ULK4: variants seen among roughly 807,000 people sequenced by gnomAD.
The protein encoded by ULK4 is inactive serine/threonine-protein kinase ULK4.
Under a neutral mutation model 160.6 loss-of-function variants are expected in ULK4, and 133 were observed. The ratio of observed to expected loss-of-function variants is 0.83; its 90% confidence interval spans 0.72 to 0.96. The LOEUF is 0.96. Ranked by LOEUF, ULK4 falls within the 40% of genes least tolerant of loss-of-function variation. The probability of loss-of-function intolerance (pLI) is 0.00; values close to 1 mark genes in which losing one functional copy is unlikely to be tolerated. For missense variants in ULK4, 1,580 were observed against 1,499.5 expected, an observed-to-expected ratio of 1.05 and a Z score of -0.89; for synonymous variants, 534 against 539.8, an observed-to-expected ratio of 0.99 and a Z score of 0.15.
intron 22 of ULK4, among the ~76,000 whole-genome samples, chr3:41,721,299 GAGTAT>G (rs2037451316): frequency 3.9e-5 from 3 of 77,320 alleles, no homozygotes; most frequent in Non-Finnish European, 6.7e-5. Flanking sequence ...TTTGAACCAT[GAGTAT>G]GTGTTACCTA....
rs530395196 is a variant in ULK4 at position 41,949,170 on chromosome 3, G to A, written c.138+5452C>T. On this transcript the variant is annotated intron_variant, in intron 2 of 36. Coordinates refer to ENST00000301831, the MANE Select transcript of ULK4 (RefSeq NM_017886.4). ...AAAAATACAAAAAAATTAGCCAGGC[G>A]TGGTGGCAGGCACCTGAAATCGCAG... is the stretch of plus-strand genomic sequence containing the variant. Among the ~76,000 whole-genome samples, 672 of 152,004 alleles carry A rather than the reference G, an allele frequency of 4.4e-3. 3 individuals are homozygous for A. Among genetic ancestry groups the A allele is most frequent in the Non-Finnish European group, 7.7e-3 (522 of 67,980 alleles).
At chr3:41,416,982 C>T (rs1163287813) in intron 34 of ULK4, among the ~76,000 whole-genome samples, 1 of 152,114 alleles carries the variant, frequency 6.6e-6, no homozygotes, top group Non-Finnish European at 1.5e-5. Context: ...GTGATAGGAA[C>T]ATTACCAAAA....
chr3:41,386,893 C>G (rs979980201), intron 35 of ULK4, among the ~76,000 whole-genome samples: 1 of 152,114 alleles, frequency 6.6e-6, no homozygotes, highest in Non-Finnish European at 1.5e-5. Flanking sequence ...TGGTAAAGAT[C>G]TGTATATTTC....
At chr3:41,941,755 C>CAAAAAAAAAAAAAAAAAAAAA (rs565727539) in intron 2 of ULK4, among the ~76,000 whole-genome samples, 5 of 30,752 alleles carry the variant, frequency 1.6e-4, no homozygotes, top group African/African-American at 2.4e-4. Flanking sequence ...GACTCTGTCT[C>CAAAAAAAAAAAAAAAAAAAAA]AAAAAAAAAA....
chr3:41,332,540 G>A (rs999472041), intron 35 of ULK4, among the ~76,000 whole-genome samples: 2 of 152,168 alleles, frequency 1.3e-5, no homozygotes, highest in Non-Finnish European at 2.9e-5. Context: ...AGATGGCGTG[G>A]CAGGCAATAT....
At chr3:41,455,371 G>T (rs2083521934) in intron 34 of ULK4, 126 bp downstream of exon 34, 2 of 827,518 alleles carry the variant, frequency 2.4e-6, no homozygotes, top group Admixed American at 5.7e-5. Flanking sequence ...ATAATCTTCT[G>T]AAAGTTCTTT....
rs767209232 is a variant in ULK4, at chr3:41,249,508, G to A, written c.3745C>T (p.Arg1249Trp). The A allele has an allele frequency of 6.8e-6, 11 of 1,613,896 alleles. No homozygotes were observed. Among genetic ancestry groups the A allele is most frequent in the East Asian group, 4.5e-5 (2 of 44,862 alleles). Residue 1249 changes from arginine (R) to tryptophan (W), a missense_variant, in exon 36 of 37, where the codon CGG becomes TGG. Physicochemically the swap from Arg to Trp is moderately radical, Grantham distance 101 (BLOSUM62 -3). Transcript: ENST00000301831. ...NAGSLLRALE[R>W]LAPGSGSFAD... ...ACTTACCCACTCCCAGGGGCCAGCC[G>A]CTCCAGAGCCCGCAGGAGGCTGCCT...
intron 27 of ULK4, among the ~76,000 whole-genome samples, chr3:41,685,840 ATG>A (rs2036084923): frequency 6.6e-6 from 1 of 152,060 alleles, no homozygotes; most frequent in African/African-American, 2.4e-5. Flanking sequence ...GAAGCCTTGT[ATG>A]GGAAAACTCT....
intron 16 of ULK4, among the ~76,000 whole-genome samples, chr3:41,889,796 C>T (rs1697852394): frequency 6.6e-6 from 1 of 152,186 alleles, no homozygotes. Context: ...TATGTTCACA[C>T]AAAACCTTGT....
rs139921912 is a variant in ULK4, at chr3:41,631,848, A to C, written c.3072-16131T>G. ...CCCTGGTTGCTATGATGTGGTTGCA[A>C]GTCCTGTTTCGTCCAGGGCTTTACA... On this transcript the variant is annotated intron_variant, in intron 30 of 36. Transcript: ENST00000301831. Among the ~76,000 whole-genome samples, 34 of 152,174 alleles carry C rather than the reference A, an allele frequency of 2.2e-4. No individual in the cohort carries two copies. The East Asian group carries it at 6.2e-3, about 28-fold the overall frequency.
intron 27 of ULK4, among the ~76,000 whole-genome samples, chr3:41,683,459 T>C (rs1046722196): frequency 1.1e-4 from 17 of 151,776 alleles, no homozygotes; most frequent in African/African-American, 4.1e-4. Context: ...CAGCTGGACG[T>C]GACCCCTCCG....
intron 30 of ULK4, among the ~76,000 whole-genome samples, chr3:41,643,984 C>A (rs1011401225): frequency 1.3e-5 from 2 of 152,028 alleles, no homozygotes; most frequent in Non-Finnish European, 2.9e-5. Flanking sequence ...CATGATTTGG[C>A]TCTCTGTTTG....
intron 35 of ULK4, among the ~76,000 whole-genome samples, chr3:41,311,806 G>A (rs973350946): frequency 6.6e-5 from 10 of 151,226 alleles, no homozygotes; most frequent in Non-Finnish European, 1.0e-4. Context: ...CTGACCTTGT[G>A]ATCCGCCACC....
chr3:41,591,084 A>T (rs1234514519), intron 31 of ULK4, among the ~76,000 whole-genome samples: 2 of 152,170 alleles, frequency 1.3e-5, no homozygotes, highest in African/African-American at 4.8e-5. Flanking sequence ...AAAGAGAGGA[A>T]AATCTTAAAA....
In ULK4 at chr3:41,883,843, T is replaced by TTC. The variant is rs773114242; in HGVS notation, c.1656+29_1656+30dup. 2.7e-5 allele frequency: 41 copies of TTC among 1,533,122 alleles called. No individual in the cohort carries two copies. The African/African-American group carries it at 5.4e-4, about 20-fold the overall frequency. The allele number at this position is 1,533,122 out of a possible 1,614,324, so 95.0% of individuals were successfully genotyped here. ...GAATCAAGAACAGTATTTCTTGACA[T>TTC]TCATCACATTTAAGTAATAAAAGAC... is the stretch of plus-strand genomic sequence containing the variant. On this transcript the variant is annotated intron_variant, in intron 17 of 36. Coordinates refer to ENST00000301831, the MANE Select transcript of ULK4 (RefSeq NM_017886.4).
chr3:41,495,011 T>C (rs368126346), intron 32 of ULK4, among the ~76,000 whole-genome samples: 2 of 152,008 alleles, frequency 1.3e-5, no homozygotes, highest in East Asian at 3.9e-4. Context: ...CTGCCCAAGG[T>C]AATTTATAGA....
intron 35 of ULK4, among the ~76,000 whole-genome samples, chr3:41,333,177 C>G (rs957084341): frequency 6.6e-6 from 1 of 152,134 alleles, no homozygotes; most frequent in Non-Finnish European, 1.5e-5. Flanking sequence ...TGAATTGGAT[C>G]CTGTGGACAA....
intron 32 of ULK4, among the ~76,000 whole-genome samples, chr3:41,533,221 G>A (rs573498602): frequency 1.9e-4 from 29 of 152,150 alleles, no homozygotes; most frequent in African/African-American, 7.0e-4. Context: ...TGCTGCCAAA[G>A]CACACAACAG....
chr3:41,412,492 G>A (rs1303605587), intron 34 of ULK4, among the ~76,000 whole-genome samples: 1 of 150,824 alleles, frequency 6.6e-6, no homozygotes, highest in African/African-American at 2.4e-5. Context: ...ATCTGAGGAG[G>A]AGCCCATAGG....
Sources: gnomAD v4.1 joint callset for allele counts (sites outside exome capture counted in the v4.1 genomes callset) on GRCh38, gnomAD v4.1.1 for gene constraint, MANE v1.5 for transcripts, NCBI Gene and HGNC (gene_info 2026-07-23, HGNC 2026-07-21) for gene names.